The following LMBR1 variants were observed in gnomAD, a reference collection of about 807,000 sequenced individuals.
The protein encoded by LMBR1 is limb development membrane protein 1, also known as limb region 1 protein homolog.
Under a neutral mutation model 73.9 loss-of-function variants are expected in LMBR1, and 52 were observed. The observed-to-expected ratio is 0.70, with a 90% confidence interval of 0.56 to 0.89. The LOEUF (loss-of-function observed/expected upper bound fraction) is 0.89. Among genes scored for constraint, LMBR1 ranks in the 40% least tolerant of loss-of-function variants. The pLI is 0.00. For synonymous variants in LMBR1, 215 were observed against 209.4 expected, an observed-to-expected ratio of 1.03 and a Z score of -0.23; for missense variants, 539 against 579.8, an observed-to-expected ratio of 0.93 and a Z score of 0.72.
chr7:156,817,602 A>G (rs894753615), intron 4 of LMBR1, among the ~76,000 whole-genome samples: 3 of 152,180 alleles, frequency 2.0e-5, no homozygotes, highest in African/African-American at 4.8e-5. Context: ...AGAAAAATAA[A>G]TAACAACTAC....
intron 5 of LMBR1, among the ~76,000 whole-genome samples, chr7:156,792,686 G>C (rs1829426512): frequency 6.6e-6 from 1 of 152,202 alleles, no homozygotes; most frequent in Non-Finnish European, 1.5e-5. Context: ...AATTAACATA[G>C]TGGTTTAATT....
intron 8 of LMBR1, among the ~76,000 whole-genome samples, chr7:156,760,307 G>A (rs921753941): frequency 1.4e-4 from 21 of 152,170 alleles, no homozygotes; most frequent in African/African-American, 5.1e-4. Flanking sequence ...TTGGGGAAGG[G>A]AGCTAAGTAA....
At chr7:156,841,638 C>T (rs1000532853) in intron 1 of LMBR1, among the ~76,000 whole-genome samples, 7 of 152,148 alleles carry the variant, frequency 4.6e-5, no homozygotes, top group African/African-American at 1.4e-4. Context: ...CAGTGTCAAA[C>T]ACTGCTGACA....
Position 156,805,215 on chromosome 7 carries a change from C to CTTTTT in LMBR1, c.320-8728_320-8724dup, listed in dbSNP as rs58044015. ...TTTATCTTTATGCTAACATCATGCA[C>CTTTTT]TTTTTTTTTTTTTTTTTTTTGAGAC... On this transcript the variant is annotated intron_variant, in intron 4 of 16. Transcript: ENST00000353442. 5.7e-5 allele frequency among the ~76,000 whole-genome samples: 7 copies of CTTTTT among 122,778 alleles called. 1 individual carries two copies. The highest frequency in any genetic ancestry group is 1.0e-4 in the Non-Finnish European group (6 of 59,686). The allele number at this position is 122,778 out of a possible 152,430, so 80.5% of individuals were successfully genotyped here. A position where few individuals can be genotyped will look rare whatever the true frequency, so the allele number is the denominator to read the frequency against.
intron 1 of LMBR1, among the ~76,000 whole-genome samples, chr7:156,847,483 T>C (rs1248515726): frequency 6.6e-6 from 1 of 152,176 alleles, no homozygotes; most frequent in African/African-American, 2.4e-5. Context: ...CAACAGACAC[T>C]GTCAAGGGAA....
intron 5 of LMBR1, among the ~76,000 whole-genome samples, chr7:156,773,078 T>C (rs1417076402): frequency 6.6e-6 from 1 of 151,006 alleles, no homozygotes; most frequent in Non-Finnish European, 1.5e-5. Context: ...CATCCAAGAA[T>C]GGCCACAAAA....
At chr7:156,714,695 C>T (rs1254148141) in intron 15 of LMBR1, among the ~76,000 whole-genome samples, 2 of 152,128 alleles carry the variant, frequency 1.3e-5, no homozygotes, top group Admixed American at 1.3e-4. Flanking sequence ...AACAAGTAGA[C>T]TCTGAATGGA....
intron 4 of LMBR1, among the ~76,000 whole-genome samples, chr7:156,806,725 T>C (rs1172508741): frequency 4.7e-5 from 7 of 150,202 alleles, no homozygotes; most frequent in African/African-American, 1.7e-4. Context: ...AATTCTCCTG[T>C]CTCAGCCTCC....
intron 13 of LMBR1, 76 bp downstream of exon 13, chr7:156,725,688 A>C (rs1190973700): frequency 5.9e-6 from 8 of 1,364,464 alleles, no homozygotes; most frequent in Non-Finnish European, 5.2e-6. Context: ...CAAGTGTCTT[A>C]GTAAATAACT....
chr7:156,692,621 T>C (rs1164779998), intron 15 of LMBR1, among the ~76,000 whole-genome samples: 1 of 152,190 alleles, frequency 6.6e-6, no homozygotes, highest in Non-Finnish European at 1.5e-5. Flanking sequence ...GTGGGCCCTA[T>C]GATTGCCACA....
At chr7:156,868,510 C>T (rs990718799) in intron 1 of LMBR1, among the ~76,000 whole-genome samples, 5 of 151,902 alleles carry the variant, frequency 3.3e-5, no homozygotes, top group Non-Finnish European at 7.4e-5. Flanking sequence ...CTTGTGTCTC[C>T]TAAAAATACG....
intron 4 of LMBR1, among the ~76,000 whole-genome samples, chr7:156,801,816 G>A (rs774815537): frequency 6.6e-6 from 1 of 152,148 alleles, no homozygotes; most frequent in Non-Finnish European, 1.5e-5. Context: ...ACAGATGTGA[G>A]CCACTGCACT....
chr7:156,781,575 C>A (rs1157542946), intron 5 of LMBR1, among the ~76,000 whole-genome samples: 1 of 152,046 alleles, frequency 6.6e-6, no homozygotes, highest in Non-Finnish European at 1.5e-5. Flanking sequence ...TATGTATCAG[C>A]CTCTGTTTAG....
At position 156,681,319 on chromosome 7, in the gene LMBR1, TCCATCTCTACTAA is replaced by T. The variant is rs1230314094; in HGVS notation, c.*2746_*2758del. On this transcript the variant is annotated 3_prime_UTR_variant, in exon 17 of 17. Coordinates refer to ENST00000353442, the MANE Select transcript of LMBR1 (RefSeq NM_022458.4). ...TGAGAGCAAAACGCGAGAGGCTCCG[TCCATCTCTACTAA>T]CCAGCACCTTAGTGCAGCAATTTAA... The T allele has an allele frequency of 5.5e-6, 2 of 365,240 alleles. No individual in the cohort carries two copies. The highest frequency in any genetic ancestry group is 1.6e-4 in the East Asian group (2 of 12,414). The allele number at this position is 365,240 out of a possible 1,614,324, so 22.6% of individuals were successfully genotyped here.
downstream of LMBR1, among the ~76,000 whole-genome samples, chr7:156,673,792 C>G (rs552972969): frequency 6.6e-6 from 1 of 152,096 alleles, no homozygotes; most frequent in South Asian, 2.1e-4. Context: ...CGCTGTCTCA[C>G]GATCTTTTTG....
intron 1 of LMBR1, among the ~76,000 whole-genome samples, chr7:156,865,132 C>T (rs188437694): frequency 2.0e-5 from 3 of 151,718 alleles, no homozygotes; most frequent in East Asian, 3.9e-4. Flanking sequence ...CATAGAGAGA[C>T]GCCAGCTCTA....
chr7:156,731,897 T>C (rs1205327769), intron 10 of LMBR1, among the ~76,000 whole-genome samples: 1 of 150,676 alleles, frequency 6.6e-6, no homozygotes, highest in East Asian at 1.9e-4. Flanking sequence ...ACATATACAA[T>C]GATCTTGTAA....
Position 156,824,146 on chromosome 7 carries a change from G to A in LMBR1, c.319+2459C>T, listed in dbSNP as rs183628232. On this transcript the variant is annotated intron_variant, in intron 4 of 16. Transcript: ENST00000353442. ...AACAACAATATATATATACACACGC[G>A]CGCGCGCTGAAAAAATGTGGAGTTT... is the stretch of plus-strand genomic sequence containing the variant. Among the ~76,000 whole-genome samples the A allele has an allele frequency of 6.8e-3, 1,026 of 151,772 alleles. 12 individuals are homozygous for A. The highest frequency in any genetic ancestry group is 0.023 in the African/African-American group (948 of 41,380).
chr7:156,847,018 A>G (rs1586198742), intron 1 of LMBR1, among the ~76,000 whole-genome samples: 1 of 152,320 alleles, frequency 6.6e-6, no homozygotes, highest in African/African-American at 2.4e-5. Context: ...GACACTACCC[A>G]GTTTCAAAAC....
Sources: allele counts gnomAD v4.1 joint callset (sites outside exome capture counted in the v4.1 genomes callset), GRCh38; gene constraint gnomAD v4.1.1; transcripts MANE v1.5; gene names NCBI Gene and HGNC (gene_info 2026-07-23, HGNC 2026-07-21).